PPFIBP2: variants seen among roughly 807,000 people sequenced by gnomAD.
PPFIBP2 encodes liprin-beta-2.
In PPFIBP2, 118 loss-of-function variants were observed where a neutral mutation model predicts 118.3. The observed-to-expected ratio is 1.00, with a 90% confidence interval of 0.86 to 1.16. The LOEUF (loss-of-function observed/expected upper bound fraction) is 1.16. Ranked by LOEUF, PPFIBP2 falls within the 50% of genes most tolerant of loss-of-function variation. The probability of loss-of-function intolerance (pLI) is 0.00; values close to 1 mark genes in which losing one functional copy is unlikely to be tolerated. For missense variants in PPFIBP2, 1,195 were observed against 1,073.1 expected (o/e 1.11, Z -1.59); for synonymous variants, 414 against 397.4 (o/e 1.04, Z -0.50).
chr11:7,577,717 G>T, intron 3 of PPFIBP2: 1 of 455,648 alleles, frequency 2.2e-6, no homozygotes, highest in Non-Finnish European at 4.4e-6. Context: ...TGGGGTGTGT[G>T]TGCCTGTGTG....
chr11:7,539,681 G>A (rs1020765000), intron 1 of PPFIBP2, among the ~76,000 whole-genome samples: 2 of 152,222 alleles, frequency 1.3e-5, no homozygotes, highest in Non-Finnish European at 2.9e-5. Context: ...GTGGCGAGGG[G>A]GACCCAGTCA....
intron 5 of PPFIBP2, chr11:7,606,127 A>T: frequency 3.2e-6 from 4 of 1,240,666 alleles, no homozygotes; most frequent in Non-Finnish European, 2.1e-6. Context: ...ATAGCAGGAT[A>T]GATGCAGATG....
downstream of PPFIBP2, among the ~76,000 whole-genome samples, chr11:7,656,047 G>A (rs527485209): frequency 6.6e-6 from 1 of 152,330 alleles, no homozygotes; most frequent in South Asian, 2.1e-4. Context: ...TGAAGTCCCT[G>A]CTCTGACTTC....
At chr11:7,666,622 C>T in the PPFIBP2 span, 2 of 1,118,022 alleles carry the variant, frequency 1.8e-6, no homozygotes, top group Admixed American at 2.0e-5. Context: ...CTACACCGGT[C>T]AGCATACTCC....
intron 6 of PPFIBP2, among the ~76,000 whole-genome samples, chr11:7,612,605 A>G (rs80025942): frequency 0.015 from 2,339 of 152,168 alleles, 64 homozygotes; most frequent in African/African-American, 0.054. Flanking sequence ...TTAAATCTGA[A>G]TTTTTTGTTT....
At chr11:7,606,737 C>G (rs931533876) in intron 5 of PPFIBP2, among the ~76,000 whole-genome samples, 1 of 151,960 alleles carries the variant, frequency 6.6e-6, no homozygotes, top group African/African-American at 2.4e-5. Flanking sequence ...ATTGGTATGA[C>G]TAATCACAAC....
intron 2 of PPFIBP2, among the ~76,000 whole-genome samples, chr11:7,564,119 T>C (rs1301986048): frequency 1.3e-5 from 2 of 151,884 alleles, no homozygotes; most frequent in Non-Finnish European, 2.9e-5. Flanking sequence ...TGAGCCGAGA[T>C]TGCACCACTG....
intron 1 of PPFIBP2, among the ~76,000 whole-genome samples, chr11:7,546,530 T>G (rs7121710): frequency 0.26 from 39,180 of 152,126 alleles, 5,338 homozygotes; most frequent in African/African-American, 0.35. Context: ...CCCTGTCATG[T>G]TTACATCTGA....
chr11:7,515,686 G>A (rs1215505742), intron 1 of PPFIBP2, among the ~76,000 whole-genome samples: 1 of 152,168 alleles, frequency 6.6e-6, no homozygotes, highest in Non-Finnish European at 1.5e-5. Context: ...CAGGAAAGCT[G>A]GTGACAAGGC....
intron 1 of PPFIBP2, among the ~76,000 whole-genome samples, chr11:7,520,370 C>T (rs12289412): frequency 0.6 from 90,949 of 152,102 alleles, 27,661 homozygotes; most frequent in African/African-American, 0.67. Flanking sequence ...GCTGTTTTGC[C>T]GACGCACGCT....
chr11:7,527,775 C>G (rs1850356148), intron 1 of PPFIBP2, among the ~76,000 whole-genome samples: 1 of 151,930 alleles, frequency 6.6e-6, no homozygotes, highest in South Asian at 2.1e-4. Flanking sequence ...CAGCAGTGCA[C>G]AAAGGAAGGC....
chr11:7,647,758 G>C (rs192394870), intron 17 of PPFIBP2, among the ~76,000 whole-genome samples: 2 of 152,268 alleles, frequency 1.3e-5, no homozygotes, highest in East Asian at 3.9e-4. Flanking sequence ...CTTTATTTCT[G>C]CCTAATAGCT....
chr11:7,574,419 C>T (rs573659954), intron 3 of PPFIBP2, among the ~76,000 whole-genome samples: 9 of 152,326 alleles, frequency 5.9e-5, no homozygotes, highest in Middle Eastern at 3.4e-3. Context: ...GGAGCCTAGA[C>T]CTTTGGGAGT....
rs988644189 is a variant in PPFIBP2 at position 7,597,690 on chromosome 11, T to C, written c.486+17T>C. The C allele has an allele frequency of 5.0e-6, 8 of 1,595,046 alleles. 1 individual carries two copies. Among genetic ancestry groups the C allele is most frequent in the Non-Finnish European group, 5.2e-6 (6 of 1,163,760 alleles). On this transcript the variant is annotated intron_variant, in intron 5 of 23. Coordinates refer to ENST00000299492, the MANE Select transcript of PPFIBP2 (RefSeq NM_003621.5). The stretch of plus-strand genomic sequence containing the variant: ...CTTCAACAGGTAAGGGCGGGTGCAC[T>C]GAAGGCCCTTGGGTGCCGAAGCAGC...
At chr11:7,516,164 A>G (rs1053372439) in intron 1 of PPFIBP2, among the ~76,000 whole-genome samples, 2 of 152,224 alleles carry the variant, frequency 1.3e-5, no homozygotes, top group African/African-American at 4.8e-5. Context: ...CCCGAAGGCA[A>G]CTGCTGCAAT....
At chr11:7,666,488 C>T in the PPFIBP2 span, 96 of 1,613,400 alleles carry the variant, frequency 6.0e-5, no homozygotes, top group Non-Finnish European at 7.3e-5. Context: ...ACAGGTTGAA[C>T]TGGTCTGGGT....
At chr11:7,651,918 T>C (rs1352426657) in intron 23 of PPFIBP2, 74 bp downstream of exon 23, 6 of 1,379,296 alleles carry the variant, frequency 4.4e-6, no homozygotes, top group African/African-American at 2.9e-5. Context: ...CCTGGCGCGA[T>C]GCCCACAGCC....
chr11:7,538,135 T>C (rs1851394404), intron 1 of PPFIBP2: 1 of 152,266 alleles, frequency 6.6e-6, no homozygotes, highest in African/African-American at 2.4e-5. Context: ...AGGTCAGATG[T>C]GCTTTTGGGT....
chr11:7,663,788 G>GCAAT, the PPFIBP2 span, among the ~76,000 whole-genome samples: 1 of 149,508 alleles, frequency 6.7e-6, no homozygotes, highest in Non-Finnish European at 1.5e-5. Context: ...TGCTGTGCTA[G>GCAAT]CAATCAGCGA....
Sources: gnomAD v4.1 joint callset for allele counts (sites outside exome capture counted in the v4.1 genomes callset) on GRCh38, gnomAD v4.1.1 for gene constraint, MANE v1.5 for transcripts, NCBI Gene and HGNC (gene_info 2026-07-23, HGNC 2026-07-21) for gene names.